The following PTAFR variants were observed in gnomAD, a reference collection of about 807,000 sequenced individuals.
PTAFR encodes platelet-activating factor receptor.
In PTAFR, 8 loss-of-function variants were observed where a neutral mutation model predicts 14.7. The ratio of observed to expected loss-of-function variants is 0.54; its 90% CI spans 0.32 to 0.98. The LOEUF is 0.98. Among genes scored for constraint, PTAFR ranks in the 50% least tolerant of loss-of-function variants. The pLI is 0.04. For synonymous variants in PTAFR, 156 were observed against 176.5 expected (o/e 0.88, Z 0.92); for missense variants, 337 against 451.2 (o/e 0.75, Z 2.29).
At chr1:28,173,444 A>C (rs553907355) in intron 1 of PTAFR, among the ~76,000 whole-genome samples, 1 of 152,186 alleles carries the variant, frequency 6.6e-6, no homozygotes, top group East Asian at 1.9e-4. Flanking sequence ...ACCTCTACAA[A>C]AAACAAACAA....
rs139080141 is a variant in PTAFR, at chr1:28,163,247, A to G, written c.-38-12188T>C. Reference sequence around the variant, plus strand: ...GAGTTGCCTTCTTCTCTGGGTCCCTATGCACTGGGCGCATTCCTCAGTCTA... The same window carrying G: ...GAGTTGCCTTCTTCTCTGGGTCCCTGTGCACTGGGCGCATTCCTCAGTCTA... On this transcript the variant is annotated intron_variant, in intron 1 of 1. Coordinates refer to ENST00000373857, the MANE Select transcript of PTAFR (RefSeq NM_000952.5). 5.3e-4 allele frequency among the ~76,000 whole-genome samples: 80 copies of G among 152,254 alleles called. 1 individual carries two copies. In the East Asian group the frequency reaches 0.014, roughly 27 times the overall value.
chr1:28,181,876 G>A (rs908499971), intron 1 of PTAFR, among the ~76,000 whole-genome samples: 6 of 152,244 alleles, frequency 3.9e-5, no homozygotes, highest in Middle Eastern at 3.4e-3. Flanking sequence ...TTGAGAGGCC[G>A]AAGTGAGAGG....
chr1:28,184,980 C>T (rs988006561), intron 1 of PTAFR, among the ~76,000 whole-genome samples: 1 of 152,066 alleles, frequency 6.6e-6, no homozygotes, highest in African/African-American at 2.4e-5. Context: ...TCTGCCTGGA[C>T]CACCCTTCCT....
At chr1:28,165,072 T>C (rs1175650052) in intron 1 of PTAFR, among the ~76,000 whole-genome samples, 1 of 152,084 alleles carries the variant, frequency 6.6e-6, no homozygotes, top group East Asian at 1.9e-4. Flanking sequence ...ACAATCTTAT[T>C]TACAACAGTA....
At chr1:28,175,148 G>A (rs750736957) in intron 1 of PTAFR, among the ~76,000 whole-genome samples, 1 of 152,054 alleles carries the variant, frequency 6.6e-6, no homozygotes, top group Non-Finnish European at 1.5e-5. Context: ...TCTTGACCTC[G>A]TGATCTACCC....
rs1379209652 is a variant in PTAFR, at chr1:28,147,973, C to T, written c.*2020G>A. 4 of 152,610 alleles carry T rather than the reference C, an allele frequency of 2.6e-5. No homozygotes were observed. Among genetic ancestry groups the T allele is most frequent in the Admixed American group, 1.3e-4 (2 of 15,258 alleles). The allele number at this position is 152,610 out of a possible 1,614,324, so 9.5% of individuals were successfully genotyped here. A position where few individuals can be genotyped will look rare whatever the true frequency, so the allele number is the denominator to read the frequency against. On this transcript the variant is annotated 3_prime_UTR_variant, in exon 2 of 2. Transcript: ENST00000373857. The stretch of plus-strand genomic sequence containing the variant: ...CCAAGTCCAGCCCACAGCTACCATC[C>T]CAGACTCCAGCAGGTTACAGGTCCA...
intron 1 of PTAFR, among the ~76,000 whole-genome samples, chr1:28,191,974 G>T (rs1021481458): frequency 6.6e-6 from 1 of 152,052 alleles, no homozygotes; most frequent in Non-Finnish European, 1.5e-5. Context: ...AGGGACTGAG[G>T]CGGGAGGATC....
At chr1:28,180,195 C>G (rs1646550631), upstream of PTAFR, among the ~76,000 whole-genome samples, 1 of 152,082 alleles carries the variant, frequency 6.6e-6, no homozygotes, top group Admixed American at 6.6e-5. Flanking sequence ...ACAAAAGAAA[C>G]AGGGAGGAGA....
chr1:28,159,601 G>A (rs1388918368), intron 1 of PTAFR, among the ~76,000 whole-genome samples: 1 of 152,080 alleles, frequency 6.6e-6, no homozygotes, highest in Non-Finnish European at 1.5e-5. Flanking sequence ...ACTTTGGGAG[G>A]CCGAGGCAGG....
At chr1:28,185,164 T>G (rs973792838) in intron 1 of PTAFR, among the ~76,000 whole-genome samples, 8 of 152,230 alleles carry the variant, frequency 5.3e-5, no homozygotes, top group Non-Finnish European at 7.3e-5. Context: ...ATTTATTTAC[T>G]TTGCTCATTA....
intron 1 of PTAFR, among the ~76,000 whole-genome samples, chr1:28,167,348 G>A (rs1646396788): frequency 6.6e-6 from 1 of 152,120 alleles, no homozygotes; most frequent in African/African-American, 2.4e-5. Flanking sequence ...CCATAAACAT[G>A]TGAAAAGATG....
intron 1 of PTAFR, among the ~76,000 whole-genome samples, chr1:28,189,179 G>A (rs1019845655): frequency 1.1e-5 from 1 of 90,730 alleles, no homozygotes; most frequent in African/African-American, 4.0e-5. Context: ...GTACAATAAA[G>A]TTGAAAATGT....
At chr1:28,159,611 G>A (rs768741941) in intron 1 of PTAFR, among the ~76,000 whole-genome samples, 2 of 152,026 alleles carry the variant, frequency 1.3e-5, no homozygotes, top group Non-Finnish European at 2.9e-5. Context: ...GCCGAGGCAG[G>A]ACGATCACTC....
intron 1 of PTAFR, among the ~76,000 whole-genome samples, chr1:28,185,500 G>A (rs979760748): frequency 2.0e-5 from 3 of 152,138 alleles, no homozygotes; most frequent in African/African-American, 4.8e-5. Flanking sequence ...GGATAATGGG[G>A]GTGAAAGAAT....
rs190499384 is a variant in PTAFR, at chr1:28,169,283, T to C, written c.-39+7309A>G. ...CTAAGAGAGTAAATTTATGTTACGG[T>C]TTTCACCACAGTAAAAAAAAAAAAA... On this transcript the variant is annotated intron_variant, in intron 1 of 1. Transcript: ENST00000373857. 2.4e-3 allele frequency among the ~76,000 whole-genome samples: 369 copies of C among 150,790 alleles called. 2 individuals carry two copies. The highest frequency in any genetic ancestry group is 8.7e-3 in the African/African-American group (357 of 40,928).
chr1:28,170,341 C>T (rs1646438942), intron 1 of PTAFR, among the ~76,000 whole-genome samples: 1 of 152,170 alleles, frequency 6.6e-6, no homozygotes, highest in Non-Finnish European at 1.5e-5. Flanking sequence ...CACACCCCAG[C>T]TCTAGCCACT....
intron 1 of PTAFR, among the ~76,000 whole-genome samples, chr1:28,193,102 T>C (rs1646668519): frequency 6.6e-6 from 1 of 152,138 alleles, no homozygotes; most frequent in Non-Finnish European, 1.5e-5. Flanking sequence ...ACCTACTGAC[T>C]GAACAGTAGG....
intron 1 of PTAFR, among the ~76,000 whole-genome samples, chr1:28,155,297 G>A (rs1363287458): frequency 1.3e-5 from 2 of 152,080 alleles, no homozygotes; most frequent in African/African-American, 4.8e-5. Context: ...TGCAACCTCC[G>A]CCTCCCAGGT....
At chr1:28,181,145 T>C (rs766122840), upstream of PTAFR, among the ~76,000 whole-genome samples, 14 of 152,100 alleles carry the variant, frequency 9.2e-5, no homozygotes, top group Non-Finnish European at 4.4e-5. Flanking sequence ...CCACGCCCGG[T>C]CGTGTGTTAT....
Sources: allele counts gnomAD v4.1 joint callset (sites outside exome capture counted in the v4.1 genomes callset), GRCh38; gene constraint gnomAD v4.1.1; transcripts MANE v1.5; gene names NCBI Gene and HGNC (gene_info 2026-07-23, HGNC 2026-07-21).